Variants in NELL1 observed in about 807,000 individuals in gnomAD.
NELL1 encodes the protein protein kinase C-binding protein NELL1.
In NELL1, 76 loss-of-function variants were observed where a neutral mutation model predicts 107.4. That is an observed-to-expected ratio of 0.71 (90% CI 0.59 to 0.86). The LOEUF is 0.86. NELL1 is among the 40% of genes least tolerant of loss of function. The pLI is 0.00. For synonymous variants in NELL1, 353 were observed against 341.2 expected (o/e 1.03, Z -0.38); for missense variants, 1,024 against 1,005.5 (o/e 1.02, Z -0.25).
intron 12 of NELL1, among the ~76,000 whole-genome samples, chr11:21,062,760 A>G (rs1359169810): frequency 3.3e-5 from 5 of 152,120 alleles, no homozygotes; most frequent in Admixed American, 3.3e-4. Context: ...GGAACAAATC[A>G]CAGAATTCAG....
At chr11:21,566,423 T>C (rs1209175123) in intron 17 of NELL1, among the ~76,000 whole-genome samples, 1 of 151,668 alleles carries the variant, frequency 6.6e-6, no homozygotes, top group East Asian at 1.9e-4. Context: ...GCAAAAAACC[T>C]ATAATATTTT....
At chr11:21,276,431 A>C (rs978834614) in intron 14 of NELL1, among the ~76,000 whole-genome samples, 2 of 152,246 alleles carry the variant, frequency 1.3e-5, no homozygotes, top group Non-Finnish European at 2.9e-5. Flanking sequence ...TTCCATGCTC[A>C]TTGGTAGGAA....
At chr11:21,205,881 T>C (rs1454100111) in intron 13 of NELL1, among the ~76,000 whole-genome samples, 1 of 152,142 alleles carries the variant, frequency 6.6e-6, no homozygotes, top group African/African-American at 2.4e-5. Context: ...ACCCTTATTC[T>C]TCCCCTTACC....
At chr11:21,551,578 C>T (rs1856585932) in intron 16 of NELL1, among the ~76,000 whole-genome samples, 2 of 151,558 alleles carry the variant, frequency 1.3e-5, no homozygotes, top group East Asian at 2.0e-4. Flanking sequence ...AAATCAAAAC[C>T]GCAATGAGAT....
intron 3 of NELL1, among the ~76,000 whole-genome samples, chr11:20,843,401 A>T (rs1662908578): frequency 6.6e-6 from 1 of 152,100 alleles, no homozygotes; most frequent in Non-Finnish European, 1.5e-5. Context: ...ATAACTGGAA[A>T]AGAGACCTTT....
intron 12 of NELL1, among the ~76,000 whole-genome samples, chr11:21,060,681 C>T (rs575367200): frequency 7.2e-5 from 11 of 152,260 alleles, no homozygotes; most frequent in African/African-American, 2.4e-4. Context: ...TGTGGACATC[C>T]TCCACCTTTG....
chr11:21,550,620 T>G (rs1856555721), intron 16 of NELL1, among the ~76,000 whole-genome samples: 2 of 152,100 alleles, frequency 1.3e-5, no homozygotes, highest in South Asian at 4.1e-4. Context: ...TTGCTTGTTT[T>G]TCTTAGGTTT....
At chr11:20,859,741 G>A (rs947505410) in intron 4 of NELL1, among the ~76,000 whole-genome samples, 3 of 152,140 alleles carry the variant, frequency 2.0e-5, no homozygotes, top group Non-Finnish European at 4.4e-5. Flanking sequence ...TGTCGTTATT[G>A]CTTCTTTTAT....
At chr11:20,681,023 C>A (rs567098183) in intron 2 of NELL1, among the ~76,000 whole-genome samples, 4 of 152,230 alleles carry the variant, frequency 2.6e-5, no homozygotes, top group Non-Finnish European at 4.4e-5. Flanking sequence ...ACATACTGAT[C>A]TCTACAAAGA....
chr11:21,347,123 C>T (rs1243960943), intron 14 of NELL1, among the ~76,000 whole-genome samples: 3 of 152,074 alleles, frequency 2.0e-5, no homozygotes, highest in African/African-American at 7.2e-5. Flanking sequence ...CACAGAGTGG[C>T]AGTGGTGTTG....
At position 21,052,257 on chromosome 11, in the gene NELL1, C is replaced by T. The variant is rs577256693; in HGVS notation, c.1301-61332C>T. 3.3e-5 allele frequency among the ~76,000 whole-genome samples: 5 copies of T among 152,150 alleles called. No homozygotes were observed. The South Asian group carries it at 6.2e-4, about 19-fold the overall frequency. On this transcript the variant is annotated intron_variant, in intron 12 of 19. Coordinates refer to ENST00000357134, the MANE Select transcript of NELL1 (RefSeq NM_006157.5). ...TAGGCAGGATCTCCAAGGTCTTGTA[C>T]ATCATTGTAAGACCTTTTGCTTTTG... is the stretch of plus-strand genomic sequence containing the variant.
At chr11:20,866,725 C>T (rs898691927) in intron 4 of NELL1, among the ~76,000 whole-genome samples, 3 of 152,162 alleles carry the variant, frequency 2.0e-5, no homozygotes, top group African/African-American at 4.8e-5. Flanking sequence ...CTCTTTATCA[C>T]GTCAATCACC....
chr11:20,810,238 A>C (rs1002999892), intron 3 of NELL1, among the ~76,000 whole-genome samples: 1 of 151,700 alleles, frequency 6.6e-6, no homozygotes, highest in East Asian at 1.9e-4. Flanking sequence ...TTATTTTTCC[A>C]TAAGTTATTG....
chr11:21,360,873 A>G (rs1367341779), intron 14 of NELL1, among the ~76,000 whole-genome samples: 2 of 152,172 alleles, frequency 1.3e-5, no homozygotes, highest in African/African-American at 4.8e-5. Flanking sequence ...AGTCTCTTGA[A>G]GACAGCAGAT....
At chr11:20,761,496 C>G (rs2133957971) in intron 2 of NELL1, among the ~76,000 whole-genome samples, 1 of 152,236 alleles carries the variant, frequency 6.6e-6, no homozygotes, top group African/African-American at 2.4e-5. Flanking sequence ...TTGAGAATAC[C>G]AGGGTTCATT....
At chr11:20,997,302 G>A (rs542233821) in intron 12 of NELL1, among the ~76,000 whole-genome samples, 3 of 152,210 alleles carry the variant, frequency 2.0e-5, no homozygotes, top group South Asian at 2.1e-4. Flanking sequence ...TAAACATTAG[G>A]CATCATAAAA....
intron 15 of NELL1, among the ~76,000 whole-genome samples, chr11:21,408,736 T>C (rs1014307025): frequency 6.6e-6 from 1 of 152,026 alleles, no homozygotes; most frequent in African/African-American, 2.4e-5. Context: ...ACATGAAGTC[T>C]TTGCCCATGC....
chr11:21,406,168 T>C (rs1431450498), intron 15 of NELL1, among the ~76,000 whole-genome samples: 28 of 151,988 alleles, frequency 1.8e-4, no homozygotes, highest in Admixed American at 6.6e-5. Flanking sequence ...AAAAAATTTC[T>C]TTATGATTGT....
At chr11:21,225,279 T>A (rs1049825453) in intron 13 of NELL1, among the ~76,000 whole-genome samples, 27 of 152,152 alleles carry the variant, frequency 1.8e-4, no homozygotes, top group African/African-American at 6.3e-4. Context: ...CAGTGTGTTT[T>A]CCCTCTCAGG....
Sources: allele counts gnomAD v4.1 joint callset (sites outside exome capture counted in the v4.1 genomes callset), GRCh38; gene constraint gnomAD v4.1.1; transcripts MANE v1.5; gene names NCBI Gene and HGNC (gene_info 2026-07-23, HGNC 2026-07-21).